The following ABCA1 variants were observed in gnomAD, a reference collection of about 807,000 sequenced individuals.
ABCA1 encodes ATP binding cassette subfamily A member 1.
In ABCA1, 133 loss-of-function variants were observed where a neutral mutation model predicts 262.5. That is an observed-to-expected ratio of 0.51 (90% CI 0.44 to 0.59). The LOEUF is 0.59. ABCA1 is among the 20% of genes least tolerant of loss of function. The probability of loss-of-function intolerance (pLI) is 0.00; values close to 1 mark genes in which losing one functional copy is unlikely to be tolerated. For synonymous variants in ABCA1, 1,022 were observed against 1,043.5 expected, an observed-to-expected ratio of 0.98 and a Z score of 0.40; for missense variants, 2,452 against 2,777.5, an observed-to-expected ratio of 0.88 and a Z score of 2.63.
chr9:104,885,741 T>C (rs1839117495), intron 3 of ABCA1, among the ~76,000 whole-genome samples: 1 of 152,194 alleles, frequency 6.6e-6, no homozygotes, highest in African/African-American at 2.4e-5. Flanking sequence ...TAATAGGCCC[T>C]GGACGAGGGG....
At chr9:104,878,113 T>C (rs1838310208) in intron 5 of ABCA1, among the ~76,000 whole-genome samples, 1 of 152,232 alleles carries the variant, frequency 6.6e-6, no homozygotes, top group South Asian at 2.1e-4. Flanking sequence ...AGAGACAAAA[T>C]ACAGACATGT....
At chr9:104,903,350 G>A (rs1480627987) in intron 2 of ABCA1, among the ~76,000 whole-genome samples, 1 of 152,166 alleles carries the variant, frequency 6.6e-6, no homozygotes, top group East Asian at 1.9e-4. Context: ...GCGATTCGGA[G>A]CCAGGTCCTA....
At chr9:104,884,280 C>G in intron 4 of ABCA1, 147 bp downstream of exon 4, 11 of 952,388 alleles carry the variant, frequency 1.2e-5, no homozygotes, top group Non-Finnish European at 1.8e-5. Context: ...AAAATTCTCC[C>G]TTCCCTCATT....
chr9:104,847,626 G>T (rs1427589894), intron 7 of ABCA1, among the ~76,000 whole-genome samples: 1 of 152,110 alleles, frequency 6.6e-6, no homozygotes, highest in Non-Finnish European at 1.5e-5. Flanking sequence ...TCCTTCCTCT[G>T]CTAGGCAGAG....
At chr9:104,816,424 T>C in intron 24 of ABCA1, 79 bp from the exon 25 acceptor site, 5 of 1,357,356 alleles carry the variant, frequency 3.7e-6, no homozygotes, top group African/African-American at 1.4e-5. Flanking sequence ...CCCCACCCTC[T>C]CATCAGAGGC....
rs200463326 is a variant in ABCA1 at position 104,782,848 on chromosome 9, T to TAAAAAA, written c.*1461_*1466dup. On this transcript the variant is annotated 3_prime_UTR_variant, in exon 50 of 50. Transcript: ENST00000374736. ...TTCTTGGCTTTTGCATTGTTGCAAT[T>TAAAAAA]AAAAAAAAAAAAAAAAAGGCTGCCC... 7.3e-6 allele frequency: 1 copy of TAAAAAA among 136,152 alleles called. No homozygotes were observed. 8.4% of individuals were successfully genotyped at this position (136,152 alleles called of 1,614,324 possible). A position where few individuals can be genotyped will look rare whatever the true frequency, so the allele number is the denominator to read the frequency against.
intron 9 of ABCA1, among the ~76,000 whole-genome samples, chr9:104,839,201 T>A (rs532825601): frequency 6.6e-6 from 1 of 151,588 alleles, no homozygotes; most frequent in Non-Finnish European, 1.5e-5. Flanking sequence ...GTGTGGGGAG[T>A]GGATATGGAG....
chr9:104,827,041 G>A lies in ABCA1; in HGVS notation c.2244C>T (p.Ala748=), dbSNP rs534710743. The change falls in exon 16 of 50, where the codon GCC becomes GCT. Residue 748 remains alanine, a synonymous_variant. Coordinates refer to ENST00000374736, the MANE Select transcript of ABCA1 (RefSeq NM_005502.4). ...TLFSRANLAA[A]CGGIIYFTLY... ...GCGTGAAGTAGATGATGCCCCCACA[G>A]GCTGCTGCCAGGTTGGCTCTGGAGA... is the stretch of plus-strand genomic sequence containing the variant. 6.2e-7 allele frequency: 1 copy of A among 1,614,206 alleles called. No homozygotes were observed. The highest frequency in any genetic ancestry group is 2.2e-5 in the East Asian group (1 of 44,884).
intron 1 of ABCA1, among the ~76,000 whole-genome samples, chr9:104,916,793 C>T (rs1841871169): frequency 6.6e-6 from 1 of 152,318 alleles, no homozygotes; most frequent in Non-Finnish European, 1.5e-5. Context: ...AATTCTCCTG[C>T]CTCCACCTCC....
At chr9:104,874,303 AC>A (rs140669501) in intron 5 of ABCA1, among the ~76,000 whole-genome samples, 4,749 of 152,300 alleles carry the variant, frequency 0.031, 101 homozygotes, top group Non-Finnish European at 0.041. Context: ...TGGGAGGCCA[AC>A]GCACCTGAAG....
At chr9:104,840,624 C>T in intron 8 of ABCA1, 105 bp from the exon 9 acceptor site, 2 of 1,176,646 alleles carry the variant, frequency 1.7e-6, no homozygotes, top group South Asian at 3.1e-5. Context: ...TTCTTGACCT[C>T]TCAAAAGCCA....
At chr9:104,848,543 A>G (rs1835098886) in intron 7 of ABCA1, among the ~76,000 whole-genome samples, 1 of 151,634 alleles carries the variant, frequency 6.6e-6, no homozygotes, top group Non-Finnish European at 1.5e-5. Context: ...TGAACCTGGG[A>G]GGCAGAGGTT....
intron 2 of ABCA1, among the ~76,000 whole-genome samples, chr9:104,892,989 A>G (rs1370220692): frequency 1.3e-5 from 2 of 152,256 alleles, no homozygotes; most frequent in Admixed American, 6.5e-5. Flanking sequence ...ATCATTAGCC[A>G]TGTAATATTA....
At chr9:104,858,970 G>C (rs1194691101) in intron 6 of ABCA1, among the ~76,000 whole-genome samples, 2 of 152,154 alleles carry the variant, frequency 1.3e-5, no homozygotes, top group Non-Finnish European at 2.9e-5. Context: ...AAAATCCAGA[G>C]TCCAACTCGT....
At chr9:104,816,634 G>C (rs1831795855) in intron 24 of ABCA1, among the ~76,000 whole-genome samples, 2 of 134,894 alleles carry the variant, frequency 1.5e-5, no homozygotes, top group Admixed American at 1.6e-4. Context: ...TGGGAGGATG[G>C]AAGGATGGGT....
intron 3 of ABCA1, among the ~76,000 whole-genome samples, chr9:104,886,008 G>A (rs901431432): frequency 1.3e-5 from 2 of 152,182 alleles, no homozygotes; most frequent in African/African-American, 4.8e-5. Flanking sequence ...TCTGTAAAAT[G>A]GTGATAAAAG....
chr9:104,854,729 T>G (rs1049029346), intron 7 of ABCA1, among the ~76,000 whole-genome samples: 1 of 152,176 alleles, frequency 6.6e-6, no homozygotes, highest in Non-Finnish European at 1.5e-5. Flanking sequence ...GGCCCTGAGC[T>G]CCTCCTAGAA....
At chr9:104,842,674 G>A (rs1213084304) in intron 8 of ABCA1, among the ~76,000 whole-genome samples, 3 of 152,030 alleles carry the variant, frequency 2.0e-5, no homozygotes, top group Admixed American at 6.6e-5. Context: ...GAACATCATC[G>A]GTTGAGTGAA....
intron 5 of ABCA1, among the ~76,000 whole-genome samples, chr9:104,881,946 C>A (rs1035652817): frequency 6.1e-5 from 9 of 148,170 alleles, no homozygotes; most frequent in Non-Finnish European, 1.2e-4. Context: ...ACCCCTAAGA[C>A]AGCTTTGCTT....
Sources: gnomAD v4.1 joint callset for allele counts (sites outside exome capture counted in the v4.1 genomes callset) on GRCh38, gnomAD v4.1.1 for gene constraint, MANE v1.5 for transcripts, NCBI Gene and HGNC (gene_info 2026-07-23, HGNC 2026-07-21) for gene names.